Variants in GRIA1 observed in about 807,000 individuals in gnomAD.
GRIA1 encodes the protein glutamate receptor 1.
In GRIA1, 31 loss-of-function variants were observed where a neutral mutation model predicts 99.2. That is an observed-to-expected ratio of 0.31 (90% confidence interval 0.23 to 0.42). The LOEUF is 0.42. Among genes scored for constraint, GRIA1 ranks in the 10% least tolerant of loss-of-function variants. GRIA1 has a pLI of 1.00. For missense variants in GRIA1, 782 were observed against 1,157.5 expected (o/e 0.68, Z 4.71); for synonymous variants, 438 against 432.4 (o/e 1.01, Z -0.16).
At chr5:153,617,530 T>C (rs1228342918) in intron 2 of GRIA1, among the ~76,000 whole-genome samples, 3 of 152,196 alleles carry the variant, frequency 2.0e-5, no homozygotes. Flanking sequence ...GTTGTACAGC[T>C]TGAGTAGAAT....
chr5:153,672,665 A>G (rs984888516), intron 5 of GRIA1, among the ~76,000 whole-genome samples: 2 of 152,198 alleles, frequency 1.3e-5, no homozygotes, highest in African/African-American at 4.8e-5. Flanking sequence ...TAGATAGAAA[A>G]ATCAGAGAAA....
At chr5:153,666,996 T>TA (rs200277923) in intron 5 of GRIA1, among the ~76,000 whole-genome samples, 1,842 of 152,238 alleles carry the variant, frequency 0.012, 38 homozygotes, top group African/African-American at 0.042. Context: ...TTCCCACTTT[T>TA]AAAAAAATAC....
intron 2 of GRIA1, among the ~76,000 whole-genome samples, chr5:153,643,585 T>C (rs1753925922): frequency 6.6e-6 from 1 of 152,148 alleles, no homozygotes. Context: ...TTTTACTTCC[T>C]CTCTCTCTGC....
chr5:153,636,787 T>C (rs1299358904), intron 2 of GRIA1, among the ~76,000 whole-genome samples: 7 of 152,246 alleles, frequency 4.6e-5, no homozygotes, highest in African/African-American at 1.7e-4. Flanking sequence ...GAGTAATTCA[T>C]GTAAGGCACT....
chr5:153,583,262 G>A (rs186377691), intron 2 of GRIA1, among the ~76,000 whole-genome samples: 87 of 152,236 alleles, frequency 5.7e-4, no homozygotes, highest in Admixed American at 1.6e-3. Context: ...GAGTATATTA[G>A]GTTCCTAGTG....
chr5:153,787,897 A>G (rs1765067020), intron 13 of GRIA1, among the ~76,000 whole-genome samples: 2 of 152,070 alleles, frequency 1.3e-5, no homozygotes, highest in African/African-American at 2.4e-5. Flanking sequence ...TGGCTAACAC[A>G]GTGAAACCCC....
At chr5:153,532,266 A>G (rs1758163768) in intron 2 of GRIA1, among the ~76,000 whole-genome samples, 1 of 152,048 alleles carries the variant, frequency 6.6e-6, no homozygotes, top group South Asian at 2.1e-4. Context: ...GTCATGTAGT[A>G]CTTTGTTATT....
intron 11 of GRIA1, among the ~76,000 whole-genome samples, chr5:153,723,510 G>A (rs1272693682): frequency 3.3e-5 from 5 of 152,218 alleles, no homozygotes; most frequent in Admixed American, 3.3e-4. Flanking sequence ...GGTGACAGAT[G>A]GCACCTGGAA....
At chr5:153,621,696 G>T (rs1242572681) in intron 2 of GRIA1, among the ~76,000 whole-genome samples, 2 of 152,076 alleles carry the variant, frequency 1.3e-5, no homozygotes, top group Non-Finnish European at 2.9e-5. Flanking sequence ...CTTTTTAAAA[G>T]AATCAAATGT....
intron 13 of GRIA1, among the ~76,000 whole-genome samples, chr5:153,781,826 T>A (rs563305625): frequency 6.6e-6 from 1 of 152,290 alleles, no homozygotes; most frequent in South Asian, 2.1e-4. Flanking sequence ...AGTATAGTAT[T>A]TTCAAAATGC....
chr5:153,627,578 TG>T (rs542366248), intron 2 of GRIA1, among the ~76,000 whole-genome samples: 1 of 112,702 alleles, frequency 8.9e-6, no homozygotes, highest in African/African-American at 2.9e-5. Flanking sequence ...AGTAAAAGAA[TG>T]GGGCAAGCGA....
At chr5:153,784,831 T>G (rs541697272) in intron 13 of GRIA1, among the ~76,000 whole-genome samples, 2 of 152,140 alleles carry the variant, frequency 1.3e-5, no homozygotes, top group Non-Finnish European at 2.9e-5. Context: ...TTTGAGACCA[T>G]TGTCCAAAGG....
chr5:153,797,255 G>A (rs1765706962), intron 14 of GRIA1, among the ~76,000 whole-genome samples: 1 of 152,146 alleles, frequency 6.6e-6, no homozygotes, highest in Non-Finnish European at 1.5e-5. Context: ...TGACTTCTAG[G>A]TGAATCTTCT....
chr5:153,586,073 T>G (rs915121051), intron 2 of GRIA1, among the ~76,000 whole-genome samples: 3 of 152,204 alleles, frequency 2.0e-5, no homozygotes, highest in Non-Finnish European at 2.9e-5. Flanking sequence ...TGTCACTGAA[T>G]GAGAAGTTGG....
At chr5:153,760,033 G>C (rs1287310971) in intron 11 of GRIA1, among the ~76,000 whole-genome samples, 2 of 151,832 alleles carry the variant, frequency 1.3e-5, no homozygotes, top group Non-Finnish European at 2.9e-5. Flanking sequence ...ATTAACTATA[G>C]AAAGAAAATA....
chr5:153,591,252 T>G (rs991723184), intron 2 of GRIA1, among the ~76,000 whole-genome samples: 1 of 152,248 alleles, frequency 6.6e-6, no homozygotes, highest in African/African-American at 2.4e-5. Flanking sequence ...TTGCCTGTCC[T>G]TAGGGCATGA....
At position 153,677,027 on chromosome 5, in the gene GRIA1, G is replaced by A; in HGVS notation, c.895G>A (p.Val299Met). 8 of 1,557,126 alleles carry A rather than the reference G, an allele frequency of 5.1e-6. No individual in the cohort carries two copies. The highest frequency in any genetic ancestry group is 7.0e-6 in the Non-Finnish European group (8 of 1,146,436). ...TGCGCTCACCTACGATGGGGTGAAG[G>A]TGATGGCTGAGGCTTTCCAGAGCCT... is the stretch of plus-strand genomic sequence containing the variant. ...TSALTYDGVKVMAEAFQSLRR... is the reference protein window; with the variant it reads ...TSALTYDGVKMMAEAFQSLRR... Residue 299 changes from valine (V) to methionine (M), a missense_variant, in exon 7 of 16, where the codon GTG (valine) becomes ATG (methionine). Physicochemically the swap from Val to Met is conservative, Grantham distance 21. Coordinates refer to ENST00000285900, the MANE Select transcript of GRIA1 (RefSeq NM_000827.4).
At chr5:153,531,299 G>T (rs142904141) in intron 2 of GRIA1, among the ~76,000 whole-genome samples, 280 of 152,242 alleles carry the variant, frequency 1.8e-3, no homozygotes, top group African/African-American at 6.4e-3. Flanking sequence ...GACAAATGAT[G>T]CAGGGCCTTC....
At chr5:153,754,423 G>A (rs979590691) in intron 11 of GRIA1, among the ~76,000 whole-genome samples, 1 of 152,272 alleles carries the variant, frequency 6.6e-6, no homozygotes, top group East Asian at 1.9e-4. Context: ...AGGCGGGGAT[G>A]TAGGGACTAT....
Sources: allele counts gnomAD v4.1 joint callset (sites outside exome capture counted in the v4.1 genomes callset), GRCh38; gene constraint gnomAD v4.1.1; transcripts MANE v1.5; gene names NCBI Gene and HGNC (gene_info 2026-07-23, HGNC 2026-07-21).